Variants in ATF6 observed in about 807,000 individuals in gnomAD.
ATF6 encodes the protein activating transcription factor 6, also known as cyclic AMP-dependent transcription factor ATF-6 alpha.
Under a neutral mutation model 83.6 loss-of-function variants are expected in ATF6, and 53 were observed. The observed-to-expected ratio is 0.63, with a 90% CI of 0.51 to 0.80. The LOEUF (loss-of-function observed/expected upper bound fraction) is 0.80. ATF6 is among the 30% of genes least tolerant of loss of function. The pLI is 0.00. For synonymous variants in ATF6, 288 were observed against 285.8 expected (o/e 1.01, Z -0.08); for missense variants, 744 against 797.9 (o/e 0.93, Z 0.81).
chr1:161,821,937 C>A (rs12405111), intron 9 of ATF6, among the ~76,000 whole-genome samples: 21,572 of 151,968 alleles, frequency 0.14, 2,091 homozygotes, highest in East Asian at 0.31. Flanking sequence ...TCTGATGTAG[C>A]TTTTGTGGGA....
At chr1:161,918,628 A>G (rs1481278274) in intron 15 of ATF6, among the ~76,000 whole-genome samples, 1 of 152,240 alleles carries the variant, frequency 6.6e-6, no homozygotes, top group Admixed American at 6.5e-5. Context: ...TTGTGAGGCT[A>G]TCCCTAATAT....
intron 14 of ATF6, 41 bp from the exon 15 acceptor site, chr1:161,912,255 C>A (rs1293501040): frequency 6.8e-7 from 1 of 1,469,556 alleles, no homozygotes; most frequent in Non-Finnish European, 9.3e-7. Context: ...TAGGACTAAG[C>A]CAATTGTTAT....
intron 7 of ATF6, among the ~76,000 whole-genome samples, chr1:161,805,448 C>A (rs1225797174): frequency 6.6e-6 from 1 of 152,084 alleles, no homozygotes; most frequent in East Asian, 1.9e-4. Flanking sequence ...TTTTACTTGG[C>A]CAGCACATCG....
At chr1:161,861,936 TA>T (rs1390758172) in intron 13 of ATF6, among the ~76,000 whole-genome samples, 1 of 152,196 alleles carries the variant, frequency 6.6e-6, no homozygotes, top group Non-Finnish European at 1.5e-5. Context: ...CTACGTATGT[TA>T]GATAAGTTTC....
chr1:161,874,711 T>G (rs1687174667), intron 14 of ATF6, among the ~76,000 whole-genome samples: 1 of 151,654 alleles, frequency 6.6e-6, no homozygotes, highest in South Asian at 2.1e-4. Context: ...GTGCTTTGAA[T>G]TAGCAGCTTT....
intron 15 of ATF6, among the ~76,000 whole-genome samples, chr1:161,935,506 C>T (rs1688519412): frequency 6.6e-6 from 1 of 152,204 alleles, no homozygotes. Context: ...AGCCTCCAGA[C>T]TGTGAGGAAT....
At chr1:161,825,143 G>A (rs1164318867) in intron 9 of ATF6, among the ~76,000 whole-genome samples, 3 of 151,972 alleles carry the variant, frequency 2.0e-5, no homozygotes, top group African/African-American at 4.8e-5. Context: ...TGGTGTGATC[G>A]TAGCTCACTG....
intron 14 of ATF6, among the ~76,000 whole-genome samples, chr1:161,885,868 A>G (rs1409337424): frequency 6.6e-6 from 1 of 152,232 alleles, no homozygotes; most frequent in Non-Finnish European, 1.5e-5. Context: ...GATAGGAACT[A>G]TAAAAGAGAC....
At chr1:161,914,752 A>G (rs1257587467) in intron 15 of ATF6, among the ~76,000 whole-genome samples, 1 of 152,130 alleles carries the variant, frequency 6.6e-6, no homozygotes, top group African/African-American at 2.4e-5. Flanking sequence ...TAATGGCCAT[A>G]CATTCCTCCT....
chr1:161,804,389 A>G (rs936813176), intron 7 of ATF6, among the ~76,000 whole-genome samples: 7 of 152,166 alleles, frequency 4.6e-5, no homozygotes, highest in Non-Finnish European at 8.8e-5. Context: ...AAACATGGAA[A>G]AGTCCAGAAA....
intron 9 of ATF6, among the ~76,000 whole-genome samples, chr1:161,825,110 C>G (rs1685860920): frequency 6.6e-6 from 1 of 152,096 alleles, no homozygotes; most frequent in African/African-American, 2.4e-5. Context: ...GGGTCTTGCT[C>G]TGTTGCCCAG....
chr1:161,818,967 G>A (rs1463592144), intron 7 of ATF6, among the ~76,000 whole-genome samples: 2 of 152,164 alleles, frequency 1.3e-5, no homozygotes, highest in East Asian at 3.8e-4. Flanking sequence ...CAGTAGTATA[G>A]GGATGAGTTA....
intron 9 of ATF6, among the ~76,000 whole-genome samples, chr1:161,839,773 G>T (rs957894903): frequency 2.0e-5 from 3 of 152,190 alleles, no homozygotes; most frequent in Non-Finnish European, 2.9e-5. Context: ...AGGAAGAACA[G>T]CATTCTTGGC....
intron 14 of ATF6, among the ~76,000 whole-genome samples, chr1:161,889,731 G>A (rs1454657028): frequency 2.6e-5 from 4 of 152,154 alleles, no homozygotes; most frequent in Admixed American, 1.3e-4. Context: ...TGATTCAAAT[G>A]TCAATAATTT....
At chr1:161,912,422 T>C in intron 15 of ATF6, 42 bp downstream of exon 15, 1 of 1,397,348 alleles carries the variant, frequency 7.2e-7, no homozygotes, top group Non-Finnish European at 1.0e-6. Flanking sequence ...GAGATTTCTT[T>C]GTTTAACCAG....
At chr1:161,918,299 T>C (rs1422635479) in intron 15 of ATF6, among the ~76,000 whole-genome samples, 1 of 152,132 alleles carries the variant, frequency 6.6e-6, no homozygotes, top group Non-Finnish European at 1.5e-5. Flanking sequence ...CACAGATTAG[T>C]CTAATCTTTT....
chr1:161,942,794 A>T (rs931224018), intron 15 of ATF6, among the ~76,000 whole-genome samples: 1 of 152,108 alleles, frequency 6.6e-6, no homozygotes, highest in Admixed American at 6.5e-5. Context: ...CAAGGCCCAA[A>T]TCTGTGTGAC....
At chr1:161,802,353 T>G (rs112792504) in intron 7 of ATF6, 81 bp downstream of exon 7, 19,454 of 1,272,682 alleles carry the variant, frequency 0.015, 188 homozygotes, top group Middle Eastern at 0.022. Flanking sequence ...TGTTGCCTTG[T>G]TTTTGTTTTT....
Position 161,947,810 on chromosome 1 carries a change from C to CTTTTTTTTTTT in ATF6, c.1805-10615_1805-10605dup, listed in dbSNP as rs10524670. Among the ~76,000 whole-genome samples the CTTTTTTTTTTT allele has an allele frequency of 1.1e-3, 65 of 57,578 alleles. 9 individuals are homozygous for CTTTTTTTTTTT. Among genetic ancestry groups the CTTTTTTTTTTT allele is most frequent in the African/African-American group, 2.8e-3 (33 of 11,720 alleles). 37.8% of individuals were successfully genotyped at this position (57,578 alleles called of 152,430 possible). On this transcript the variant is annotated intron_variant, in intron 15 of 15. Transcript: ENST00000367942. ...ATATTCCATAGTCCTTAAGCCACGC[C>CTTTTTTTTTTT]TTTTTTTTTTTTTTTTTTTTTTTTT...
Sources: allele counts gnomAD v4.1 joint callset (sites outside exome capture counted in the v4.1 genomes callset), GRCh38; gene constraint gnomAD v4.1.1; transcripts MANE v1.5; gene names NCBI Gene and HGNC (gene_info 2026-07-23, HGNC 2026-07-21).